Variants in KRR1 observed in about 807,000 individuals in gnomAD.
KRR1 encodes KRR1 small subunit processome component homolog.
Under a neutral mutation model 50.0 loss-of-function variants are expected in KRR1, and 23 were observed. That is an observed-to-expected ratio of 0.46 (90% confidence interval 0.33 to 0.65). The LOEUF is 0.65. KRR1 is among the 30% of genes least tolerant of loss of function. The pLI, the probability that KRR1 is intolerant of heterozygous loss-of-function variation, is 0.02. For synonymous variants in KRR1, 133 were observed against 146.3 expected (o/e 0.91, Z 0.66); for missense variants, 419 against 442.4 (o/e 0.95, Z 0.47).
At chr12:75,504,560 T>C (rs1604381) in intron 6 of KRR1, among the ~76,000 whole-genome samples, 35,790 of 152,002 alleles carry the variant, frequency 0.24, 4,472 homozygotes, top group South Asian at 0.32. Flanking sequence ...ACACATAGTT[T>C]TGTTTTTGTC....
chr12:75,510,927 G>T (rs2046445284), intron 1 of KRR1, among the ~76,000 whole-genome samples: 1 of 152,136 alleles, frequency 6.6e-6, no homozygotes, highest in African/African-American at 2.4e-5. Context: ...CATTCACACT[G>T]AAGAAAACGG....
chr12:75,494,185 T>C lies in KRR1; in HGVS notation c.*5624A>G, dbSNP rs766993822. On this transcript the variant is annotated 3_prime_UTR_variant, in exon 10 of 10. Transcript: ENST00000229214. ...TGGGGTTGGAAATAAGGTATCGTTATAAAGTTGTGTGTCTAAGGTGAGAGT... is the reference window on the plus strand; with the variant it reads ...TGGGGTTGGAAATAAGGTATCGTTACAAAGTTGTGTGTCTAAGGTGAGAGT... The C allele has an allele frequency of 6.6e-6, 1 of 152,220 alleles. No individual in the cohort carries two copies. Among genetic ancestry groups the C allele is most frequent in the Non-Finnish European group, 1.5e-5 (1 of 68,030 alleles). The allele number at this position is 152,220 out of a possible 1,614,324, so 9.4% of individuals were successfully genotyped here.
At chr12:75,501,476 G>C (rs531292777) in intron 9 of KRR1, 2 of 391,878 alleles carry the variant, frequency 5.1e-6, no homozygotes, top group South Asian at 9.2e-5. Flanking sequence ...TCACAACAAA[G>C]AGTCTTTTCC....
At chr12:75,507,680 T>C (rs1483644478) in intron 2 of KRR1, among the ~76,000 whole-genome samples, 4 of 152,192 alleles carry the variant, frequency 2.6e-5, no homozygotes, top group Non-Finnish European at 5.9e-5. Context: ...ACATTTTATA[T>C]CACAACCTAA....
At position 75,497,131 on chromosome 12, in the gene KRR1, A is replaced by G. The variant is rs900097848; in HGVS notation, c.*2678T>C. ...TATGCCAAGTTTTGGTGCAATTTCC[A>G]GTTTGACCACTGTGACTTTGGGCAA... On this transcript the variant is annotated 3_prime_UTR_variant, in exon 10 of 10. Coordinates refer to ENST00000229214, the MANE Select transcript of KRR1 (RefSeq NM_007043.7). 14 of 152,200 alleles carry G rather than the reference A, an allele frequency of 9.2e-5. No homozygotes were observed. Among genetic ancestry groups the G allele is most frequent in the African/African-American group, 3.1e-4 (13 of 41,450 alleles). 9.4% of individuals were successfully genotyped at this position (152,200 alleles called of 1,614,324 possible).
intron 7 of KRR1, 94 bp from the exon 8 acceptor site, chr12:75,502,094 G>A: frequency 6.3e-6 from 6 of 946,736 alleles, no homozygotes; most frequent in Non-Finnish European, 1.0e-5. Flanking sequence ...TAAAAACAAT[G>A]GGGTCAAACT....
At chr12:75,499,978 G>A (rs1281157218) in intron 9 of KRR1, 27 bp from the exon 10 acceptor site, 2 of 1,553,704 alleles carry the variant, frequency 1.3e-6, no homozygotes, top group Admixed American at 4.0e-5. Context: ...CACAACACAT[G>A]TAATACTTTA....
chr12:75,495,665 G>A lies in KRR1; in HGVS notation c.*4144C>T. ...CAAGTGTTTGGACAATCTCTGTGGT[G>A]AGTAAAAGGAACAATACACCAATAG... is the stretch of plus-strand genomic sequence containing the variant. On this transcript the variant is annotated 3_prime_UTR_variant, in exon 10 of 10. Transcript: ENST00000229214. 6.4e-7 allele frequency: 1 copy of A among 1,552,936 alleles called. No individual in the cohort carries two copies. The highest frequency in any genetic ancestry group is 8.9e-7 in the Non-Finnish European group (1 of 1,124,956).
rs2046424780 is a variant in KRR1, at chr12:75,506,855, G to A, written c.320C>T (p.Thr107Ile). The change falls in exon 3 of 10, where the codon ACT (threonine) becomes ATT (isoleucine). Residue 107 changes from threonine (T) to isoleucine (I), a missense_variant. Coordinates refer to ENST00000229214, the MANE Select transcript of KRR1 (RefSeq NM_007043.7). ...CCTAATGATGATATATGGATCAAAA[G>A]TCTTCTTTGTAGTACAAACAGTCAT... ...GSMTVCTTKK[T>I]FDPYIIIRAR... 1.2e-6 allele frequency: 2 copies of A among 1,613,126 alleles called. No homozygotes were observed. Among genetic ancestry groups the A allele is most frequent in the African/African-American group, 1.3e-5 (1 of 74,858 alleles).
rs578181934 is a variant in KRR1, at chr12:75,497,348, A to G, written c.*2461T>C. The G allele has an allele frequency of 9.2e-5, 14 of 152,348 alleles. No homozygotes were observed. Among genetic ancestry groups the G allele is most frequent in the Admixed American group, 5.2e-4 (8 of 15,294 alleles). The allele number at this position is 152,348 out of a possible 1,614,324, so 9.4% of individuals were successfully genotyped here. A position where few individuals can be genotyped will look rare whatever the true frequency, so the allele number is the denominator to read the frequency against. ...ATAACATTTAGAAGATTAAAGCTGTAGTCCAATAATGAAAACCCTTGGACT... is the reference window on the plus strand; with the variant it reads ...ATAACATTTAGAAGATTAAAGCTGTGGTCCAATAATGAAAACCCTTGGACT... On this transcript the variant is annotated 3_prime_UTR_variant, in exon 10 of 10. Transcript: ENST00000229214.
At chr12:75,500,174 A>T (rs1442111937) in intron 9 of KRR1, 1 of 330,154 alleles carries the variant, frequency 3.0e-6, no homozygotes, top group Non-Finnish European at 5.4e-6. Flanking sequence ...AATACTTTAT[A>T]TATTAGTACA....
Position 75,511,525 on chromosome 12 carries a change from G to T in KRR1, c.73C>A (p.Pro25Thr). 1 of 1,614,028 alleles carries T rather than the reference G, an allele frequency of 6.2e-7. No individual in the cohort carries two copies. Among genetic ancestry groups the T allele is most frequent in the Non-Finnish European group, 8.5e-7 (1 of 1,179,902 alleles). ...KSEFRNQKPK[P>T]ENQDESELLT... ...CACATAACATCACCTTGGTTCTCCG[G>T]CTTCGGCTTCTGGTTACGAAATTCA... Residue 25 changes from proline to threonine, a missense_variant, in exon 1 of 10, where the codon CCG becomes ACG. Physicochemically the swap from Pro to Thr is conservative, Grantham distance 38. Transcript: ENST00000229214.
intron 7 of KRR1, chr12:75,502,521 C>T (rs2046401027): frequency 6.5e-6 from 1 of 153,224 alleles, no homozygotes; most frequent in Non-Finnish European, 1.5e-5. Context: ...ATACAGCCAA[C>T]ATGTAAAATG....
At chr12:75,500,006 CAAAG>C in intron 9 of KRR1, 55 bp from the exon 10 acceptor site, 2 of 1,364,598 alleles carry the variant, frequency 1.5e-6, no homozygotes, top group Non-Finnish European at 2.0e-6. Flanking sequence ...CCAAGTAAAA[CAAAG>C]AATATATGTT....
rs367776026 is a variant in KRR1 at position 75,508,271 on chromosome 12, T to A, written c.258+3A>T. 5.6e-6 allele frequency: 9 copies of A among 1,596,812 alleles called. No individual in the cohort carries two copies. Among genetic ancestry groups the A allele is most frequent in the African/African-American group, 2.7e-5 (2 of 73,870 alleles). ...TAAATGTATTGATATAAGATACACA[T>A]ACATGTTCATTTAAGGCTTTCTGCA... On this transcript the variant is annotated splice_donor_region_variant and intron_variant, in intron 2 of 9. Coordinates refer to ENST00000229214, the MANE Select transcript of KRR1 (RefSeq NM_007043.7).
At position 75,511,584 on chromosome 12, in the gene KRR1, G is replaced by T. The variant is rs1309560214; in HGVS notation, c.14C>A (p.Ser5Ter). The T allele has an allele frequency of 1.2e-6, 2 of 1,613,944 alleles. No homozygotes were observed. The highest frequency in any genetic ancestry group is 8.5e-7 in the Non-Finnish European group (1 of 1,179,944). MASP[S>*]LERPEKGAGK... is the part of the protein sequence containing the mutation. ...AGCGCCTTTTTCTGGCCGCTCCAGC[G>T]AGGGAGACGCCATTTGCAAGCTGCT... is the stretch of plus-strand genomic sequence containing the variant. The change falls in exon 1 of 10, where the codon TCG becomes TAG. Residue 5 changes from serine (S) to a stop codon, truncating the protein, a stop_gained. Coordinates refer to ENST00000229214, the MANE Select transcript of KRR1 (RefSeq NM_007043.7). LOFTEE classifies it high-confidence loss of function.
In KRR1 at chr12:75,495,590, A is replaced by G. The variant is rs144379806; in HGVS notation, c.*4219T>C. 5.0e-6 allele frequency: 8 copies of G among 1,604,358 alleles called. No homozygotes were observed. In the Admixed American group the frequency reaches 5.0e-5, roughly 10 times the overall value. On this transcript the variant is annotated 3_prime_UTR_variant, in exon 10 of 10. Transcript: ENST00000229214. ...TCTGCTTTACAGAGGGAATTACCCA[A>G]CTTGGCCATATAAGAGAGGAGCCAC... is the stretch of plus-strand genomic sequence containing the variant.
At position 75,506,616 on chromosome 12, in the gene KRR1, C is replaced by CAAAAAAAAAAAAAAAAAAAAA. The variant is rs35071517; in HGVS notation, c.394-8_394-7insTTTTTTTTTTTTTTTTTTTTT. 3.6e-6 allele frequency: 5 copies of CAAAAAAAAAAAAAAAAAAAAA among 1,372,794 alleles called. No individual in the cohort carries two copies. In the African/African-American group the frequency reaches 8.5e-5, roughly 23 times the overall value. The allele number at this position is 1,372,794 out of a possible 1,614,324, so 85.0% of individuals were successfully genotyped here. The stretch of plus-strand genomic sequence containing the variant: ...CCTGAAGAATTCGTACTGCCTTTTG[C>CAAAAAAAAAAAAAAAAAAAAA]AAAAAAAAAAAAAAAAAGAAGACAT... On this transcript the variant is annotated splice_polypyrimidine_tract_variant and splice_region_variant and intron_variant, in intron 3 of 9. Transcript: ENST00000229214.
chr12:75,511,473 C>A, intron 1 of KRR1, 40 bp downstream of exon 1: 5 of 1,552,594 alleles, frequency 3.2e-6, no homozygotes, highest in Non-Finnish European at 4.4e-6. Context: ...CGCAACTCAA[C>A]GTACACAAAC....
Sources: allele counts gnomAD v4.1 joint callset (sites outside exome capture counted in the v4.1 genomes callset), GRCh38; gene constraint gnomAD v4.1.1; transcripts MANE v1.5; gene names NCBI Gene and HGNC (gene_info 2026-07-23, HGNC 2026-07-21).